ATP11C: variants seen among roughly 807,000 people sequenced by gnomAD.
ATP11C encodes the protein ATPase phospholipid transporting 11C (ATP11C blood group).
ATP11C carries 36 observed loss-of-function variants against 97.4 expected under a neutral mutation model. The observed-to-expected ratio is 0.37, with a 90% CI of 0.28 to 0.49. The LOEUF is 0.49. Ranked by LOEUF, ATP11C falls within the 20% of genes least tolerant of loss-of-function variation. The probability of loss-of-function intolerance (pLI) is 0.98; values close to 1 mark genes in which losing one functional copy is unlikely to be tolerated. For synonymous variants in ATP11C, 275 were observed against 290.9 expected, an observed-to-expected ratio of 0.95 and a Z score of 0.56; for missense variants, 730 against 824.6, an observed-to-expected ratio of 0.89 and a Z score of 1.40.
chrX:139,799,013 T>A (rs2082862876), intron 8 of ATP11C, among the ~76,000 whole-genome samples: 1 of 110,964 alleles, frequency 9.0e-6, no homozygotes, highest in Non-Finnish European at 1.9e-5. Context: ...GGATTATGAA[T>A]CATGGATAGC....
At chrX:139,782,786 AC>A in intron 17 of ATP11C, 58 bp from the exon 18 acceptor site, 49 of 861,038 alleles carry the variant, frequency 5.7e-5, no homozygotes, top group Non-Finnish European at 7.7e-5. Flanking sequence ...AAAAAAAAAA[AC>A]ACACTCTGTA....
At position 139,802,353 on chromosome X, in the gene ATP11C, G is replaced by A; in HGVS notation, c.556-14C>T. 8.9e-7 allele frequency: 1 copy of A among 1,124,851 alleles called. No homozygotes were observed. Among genetic ancestry groups the A allele is most frequent in the Non-Finnish European group, 1.2e-6 (1 of 824,148 alleles). 92.7% of individuals were successfully genotyped at this position (1,124,851 alleles called of 1,213,427 possible). On this transcript the variant is annotated splice_polypyrimidine_tract_variant and intron_variant, in intron 6 of 29. Coordinates refer to ENST00000682941, the MANE Select transcript of ATP11C (RefSeq NM_001353812.2). ...TGCATAATGTGTCTAGTTGAAAGCA[G>A]AAGAAAAAGTGAAAACCAAAAAAAC...
At chrX:139,749,619 C>G (rs768289546) in intron 24 of ATP11C, among the ~76,000 whole-genome samples, 3 of 111,730 alleles carry the variant, frequency 2.7e-5, no homozygotes, top group Non-Finnish European at 5.6e-5. Context: ...GCTATGGGTG[C>G]AGTTTACATG....
intron 1 of ATP11C, among the ~76,000 whole-genome samples, chrX:139,854,839 T>G (rs755658397): frequency 1.8e-5 from 2 of 112,253 alleles, no homozygotes; most frequent in Non-Finnish European, 3.8e-5. Flanking sequence ...TTTAAAACAT[T>G]AATTGTAAAG....
intron 1 of ATP11C, among the ~76,000 whole-genome samples, chrX:139,903,475 G>A (rs1051459115): frequency 3.1e-4 from 34 of 109,800 alleles, no homozygotes; most frequent in African/African-American, 1.1e-3. Flanking sequence ...TAGCTGACAC[G>A]TGGAGGTTCC....
intron 26 of ATP11C, among the ~76,000 whole-genome samples, chrX:139,741,361 T>C (rs868847143): frequency 9.1e-6 from 1 of 110,267 alleles, no homozygotes; most frequent in Admixed American, 9.8e-5. Context: ...GCTGCAGATA[T>C]CTCAGTACTG....
At chrX:139,801,035 T>C (rs143440263) in intron 7 of ATP11C, among the ~76,000 whole-genome samples, 107 of 112,309 alleles carry the variant, frequency 9.5e-4, no homozygotes, top group African/African-American at 3.1e-3. Context: ...ACTAGAGTGA[T>C]AGAAGTACAA....
chrX:139,750,214 TACTTA>T, intron 23 of ATP11C, 62 bp from the exon 24 acceptor site: 1 of 1,060,340 alleles, frequency 9.4e-7, no homozygotes, highest in Non-Finnish European at 1.3e-6. Context: ...TACAAGATGA[TACTTA>T]TGTATGTGAA....
chrX:139,936,903 A>G (rs1361901736), upstream of ATP11C, among the ~76,000 whole-genome samples: 1 of 111,377 alleles, frequency 9.0e-6, no homozygotes, highest in East Asian at 2.8e-4. Context: ...TCTAATACCA[A>G]AAAAAGAAAA....
At chrX:139,807,704 C>T (rs748827109) in intron 5 of ATP11C, among the ~76,000 whole-genome samples, 1 of 111,412 alleles carries the variant, frequency 9.0e-6, no homozygotes, top group African/African-American at 3.3e-5. Context: ...ATTACCAGCA[C>T]TCTGGGAGGC....
At chrX:139,770,416 G>A (rs1007378454) in intron 19 of ATP11C, among the ~76,000 whole-genome samples, 35 of 112,184 alleles carry the variant, frequency 3.1e-4, no homozygotes, top group African/African-American at 1.1e-3. Flanking sequence ...GGGGTGCACT[G>A]CAAAAGCAGG....
At chrX:139,802,707 C>CT (rs1215438077) in intron 6 of ATP11C, among the ~76,000 whole-genome samples, 1 of 111,254 alleles carries the variant, frequency 9.0e-6, no homozygotes, top group Non-Finnish European at 1.9e-5. Context: ...ATTTTGCTCA[C>CT]TATAGTGTAT....
At chrX:139,787,400 C>A (rs1271845715) in intron 14 of ATP11C, among the ~76,000 whole-genome samples, 156 bp from the exon 15 acceptor site, 1 of 111,459 alleles carries the variant, frequency 9.0e-6, no homozygotes, top group Non-Finnish European at 1.9e-5. Context: ...CAGTTTCAAG[C>A]GATTCTCCTG....
rs201394639 is a variant in ATP11C, at chrX:139,922,223, A to AATATATATAT, written c.27+9783_27+9792dup. 3.8e-3 allele frequency among the ~76,000 whole-genome samples: 168 copies of AATATATATAT among 43,707 alleles called. 2 individuals are homozygous for AATATATATAT. The highest frequency in any genetic ancestry group is 4.5e-3 in the Non-Finnish European group (106 of 23,470). The allele number at this position is 43,707 out of a possible 115,157, so 38.0% of individuals were successfully genotyped here. A position where few individuals can be genotyped will look rare whatever the true frequency, so the allele number is the denominator to read the frequency against. ...GTCTCTCTCTCTCTCTCCTTCTCTA[A>AATATATATAT]ATATATATATATATATATATATATA... is the stretch of plus-strand genomic sequence containing the variant. On this transcript the variant is annotated intron_variant, in intron 1 of 29. Coordinates refer to ENST00000682941, the MANE Select transcript of ATP11C (RefSeq NM_001353812.2).
chrX:139,854,778 T>C (rs752274257), intron 1 of ATP11C, among the ~76,000 whole-genome samples: 1 of 112,100 alleles, frequency 8.9e-6, no homozygotes, highest in Non-Finnish European at 1.9e-5. Flanking sequence ...AATGTGGATT[T>C]TTACCTACAT....
At chrX:139,769,385 A>G (rs1450771117) in intron 19 of ATP11C, among the ~76,000 whole-genome samples, 1 of 94,763 alleles carries the variant, frequency 1.1e-5, no homozygotes, top group Non-Finnish European at 2.1e-5. Flanking sequence ...TCCCATTCAA[A>G]TCATCTGGGT....
At position 139,796,426 on chromosome X, in the gene ATP11C, G is replaced by T. The variant is rs775030725; in HGVS notation, c.1053C>A (p.Phe351Leu). The change falls in exon 12 of 30, where the codon TTC becomes TTA. Residue 351 changes from phenylalanine to leucine, a missense_variant. Phe to Leu is a conservative substitution (Grantham distance 22). Coordinates refer to ENST00000682941, the MANE Select transcript of ATP11C (RefSeq NM_001353812.2). ...ACATGGAGACAGGAATGATAAAGTT[G>T]AATAGAACCATAAATGATAGGAAGT... ...FTDFLSFMVL[F>L]NFIIPVSMYV... 8.3e-7 allele frequency: 1 copy of T among 1,201,315 alleles called. No individual in the cohort carries two copies. The highest frequency in any genetic ancestry group is 1.1e-6 in the Non-Finnish European group (1 of 888,150).
Position 139,731,728 on chromosome X carries a change from C to T in ATP11C, c.3316G>A (p.Asp1106Asn), listed in dbSNP as rs1294240092. Residue 1106 changes from aspartate (D) to asparagine (N), a missense_variant, in exon 29 of 30, where the codon GAC (aspartate) becomes AAC (asparagine). By Grantham distance (23) the Asp-to-Asn change is conservative. Coordinates refer to ENST00000682941, the MANE Select transcript of ATP11C (RefSeq NM_001353812.2). ...ACTGAAGGTCTGGCGGATAATGAGT[C>T]AGATGCCCTTCTACAGCTCAGATTT... is the stretch of plus-strand genomic sequence containing the variant. Reference protein sequence around the residue: ...RRNLSCRRASDSLSARPSVRP... With the variant: ...RRNLSCRRASNSLSARPSVRP... 8.4e-7 allele frequency: 1 copy of T among 1,193,148 alleles called. No individual in the cohort carries two copies. The highest frequency in any genetic ancestry group is 2.2e-5 in the Admixed American group (1 of 45,478).
At chrX:139,789,527 A>T (rs770455900) in intron 12 of ATP11C, 39 bp from the exon 13 acceptor site, 1 of 1,073,702 alleles carries the variant, frequency 9.3e-7, no homozygotes, top group Non-Finnish European at 1.2e-6. Context: ...TAGTTTCTTC[A>T]GTGTGACTAA....
Sources: gnomAD v4.1 joint callset for allele counts (sites outside exome capture counted in the v4.1 genomes callset) on GRCh38, gnomAD v4.1.1 for gene constraint, MANE v1.5 for transcripts, NCBI Gene and HGNC (gene_info 2026-07-23, HGNC 2026-07-21) for gene names.